Variants in CST11 observed in about 807,000 individuals in gnomAD.
The protein encoded by CST11 is cystatin 11.
Under a neutral mutation model 14.0 loss-of-function variants are expected in CST11, and 13 were observed. The ratio of observed to expected loss-of-function variants is 0.93; its 90% CI spans 0.60 to 1.47. CST11 has a LOEUF of 1.47. Among genes scored for constraint, CST11 ranks in the 40% most tolerant of loss-of-function variants. CST11 has a pLI of 0.00. For synonymous variants in CST11, 64 were observed against 57.8 expected, an observed-to-expected ratio of 1.11 and a Z score of -0.48; for missense variants, 181 against 160.0, an observed-to-expected ratio of 1.13 and a Z score of -0.71.
Position 23,452,656 on chromosome 20 carries a change from G to T in CST11, c.156C>A (p.Thr52=), listed in dbSNP as rs762472790. The change falls in exon 1 of 3, where the codon ACC becomes ACA. Residue 52 remains threonine (T), a synonymous_variant. Transcript: ENST00000377009. ...CATCACTTTCCTTGTTATACTGGTC[G>T]GTGATCCACTGCAAGCTGTCCTTCG... The part of the protein sequence containing the change: ...NYAKDSLQWI[T]DQYNKESDDK... 6.2e-6 allele frequency: 10 copies of T among 1,613,898 alleles called. No individual in the cohort carries two copies. Among genetic ancestry groups the T allele is most frequent in the African/African-American group, 1.3e-5 (1 of 75,020 alleles).
intron 1 of CST11, among the ~76,000 whole-genome samples, chr20:23,452,180 A>G (rs539430720): frequency 6.6e-6 from 1 of 152,326 alleles, no homozygotes; most frequent in East Asian, 1.9e-4. Flanking sequence ...GTGATTCTGG[A>G]TAGGGGTCTG....
intron 1 of CST11, 37 bp downstream of exon 1, chr20:23,452,547 A>C: frequency 1.5e-4 from 184 of 1,260,670 alleles, no homozygotes; most frequent in Non-Finnish European, 2.0e-4. Flanking sequence ...ATGTGGGCGT[A>C]TCAGGCCTGG....
At position 23,452,586 on chromosome 20, in the gene CST11, G is replaced by A; in HGVS notation, c.226C>T (p.Gln76Ter). Residue 76 changes from glutamine to a stop codon, truncating the protein, a stop_gained and splice_region_variant, in exon 1 of 3, where the codon CAG becomes TAG. Transcript: ENST00000377009. LOFTEE classifies it high-confidence loss of function. ...GAGGCGGGAAGTCATACACTCACCT[G>A]CCTCTGGACTTTAAGGACTCGGAAG... ...RIFRVLKVQRQVTDHLEYHLN... is the reference protein window; with the variant it reads ...RIFRVLKVQR The A allele has an allele frequency of 6.2e-7, 1 of 1,604,626 alleles. No individual in the cohort carries two copies. The highest frequency in any genetic ancestry group is 8.5e-7 in the Non-Finnish European group (1 of 1,171,346).
chr20:23,452,606 C>G lies in CST11; in HGVS notation c.206G>C (p.Arg69Pro), dbSNP rs140128807. Reference sequence around the variant, plus strand: ...CACCTGCCTCTGGACTTTAAGGACTCGGAAGATCCTGAAGTGGTACTTGTC... The same window carrying G: ...CACCTGCCTCTGGACTTTAAGGACTGGGAAGATCCTGAAGTGGTACTTGTC... ...SDDKYHFRIF[R>P]VLKVQRQVTD... Residue 69 changes from arginine (R) to proline (P), a missense_variant, in exon 1 of 3, where the codon CGA becomes CCA. Coordinates refer to ENST00000377009, the MANE Select transcript of CST11 (RefSeq NM_130794.2). 6.2e-7 allele frequency: 1 copy of G among 1,613,048 alleles called. No homozygotes were observed. Among genetic ancestry groups the G allele is most frequent in the Admixed American group, 1.7e-5 (1 of 60,026 alleles).
At chr20:23,451,257 G>A (rs1441937321) in intron 2 of CST11, among the ~76,000 whole-genome samples, 1 of 151,674 alleles carries the variant, frequency 6.6e-6, no homozygotes, top group Non-Finnish European at 1.5e-5. Context: ...TGCCAGGTGG[G>A]ATGAAGGCCT....
chr20:23,451,966 C>T, intron 1 of CST11, 46 bp from the exon 2 acceptor site: 1 of 1,464,992 alleles, frequency 6.8e-7, no homozygotes, highest in Non-Finnish European at 9.5e-7. Context: ...CCCCTTCTCC[C>T]CTGTCTGCGG....
intron 2 of CST11, 61 bp downstream of exon 2, chr20:23,451,755 G>A: frequency 1.6e-6 from 2 of 1,227,114 alleles, no homozygotes; most frequent in Non-Finnish European, 2.4e-6. Context: ...TCATTCTAAA[G>A]CCACAGAAAA....
Position 23,452,776 on chromosome 20 carries a change from C to A in CST11, c.36G>T (p.Leu12=), listed in dbSNP as rs1407663555. The change falls in exon 1 of 3, where the codon CTG becomes CTT. Residue 12 remains leucine, a synonymous_variant. Coordinates refer to ENST00000377009, the MANE Select transcript of CST11 (RefSeq NM_130794.2). The part of the protein sequence containing the change: ...MAEPWQALQL[L]LAILLTLMAL... ...CCATCAGAGTCAATAGAATGGCCAA[C>A]AGGAGCTGTAGGGCCTGCCAGGGCT... The A allele has an allele frequency of 6.2e-7, 1 of 1,614,166 alleles. No individual in the cohort carries two copies. The highest frequency in any genetic ancestry group is 1.3e-5 in the African/African-American group (1 of 75,054).
At chr20:23,451,020 C>T (rs1987072652) in intron 2 of CST11, among the ~76,000 whole-genome samples, 1 of 151,716 alleles carries the variant, frequency 6.6e-6, no homozygotes, top group Non-Finnish European at 1.5e-5. Flanking sequence ...ATTTATCCTT[C>T]AGTCCATCCC....
chr20:23,451,318 G>A (rs962792233), intron 2 of CST11, among the ~76,000 whole-genome samples: 1 of 152,116 alleles, frequency 6.6e-6, no homozygotes, highest in Admixed American at 6.6e-5. Context: ...CAGAGCACAC[G>A]CATGCAAGTT....
chr20:23,452,754 T>G lies in CST11; in HGVS notation c.58A>C (p.Met20Leu), dbSNP rs1379899136. 6.2e-7 allele frequency: 1 copy of G among 1,614,034 alleles called. No homozygotes were observed. The highest frequency in any genetic ancestry group is 8.5e-7 in the Non-Finnish European group (1 of 1,180,030). ...QLLLAILLTL[M>L]ALPYQARKKT... ...TTCCTTGCTTGGTAGGGGAGGGCCA[T>G]CAGAGTCAATAGAATGGCCAACAGG... Residue 20 changes from methionine to leucine, a missense_variant, in exon 1 of 3, where the codon ATG becomes CTG. Transcript: ENST00000377009.
chr20:23,451,650 G>A (rs1003429150), intron 2 of CST11, among the ~76,000 whole-genome samples, 166 bp downstream of exon 2: 6 of 152,210 alleles, frequency 3.9e-5, no homozygotes, highest in African/African-American at 1.2e-4. Flanking sequence ...CATCTCGGCT[G>A]TCTCCACCTT....
In CST11 at chr20:23,451,877, CA is replaced by C. The variant is rs1392181521; in HGVS notation, c.271del (p.Trp91GlyfsTer41). 1 of 1,614,038 alleles carries C rather than the reference CA, an allele frequency of 6.2e-7. No individual in the cohort carries two copies. Among genetic ancestry groups the C allele is most frequent in the Non-Finnish European group, 8.5e-7 (1 of 1,179,976 alleles). ...GGTCTCTGGCTTTTGGCAGGTGGTC[CA>C]CTGCATTTCCACATTCAGGTGATAC... ...LEYHLNVEMQ[W>X]TTCQKPETTN... On this transcript the variant is annotated frameshift_variant, in exon 2 of 3. Transcript: ENST00000377009. LOFTEE classifies it high-confidence loss of function.
Position 23,450,596 on chromosome 20 carries a change from C to A in CST11, c.334-7G>T. ...AGAAGAAGCAGTTGACTTGCTAAAA[C>A]AAAAAACAAAGGCAATATTTTAAAA... is the stretch of plus-strand genomic sequence containing the variant. On this transcript the variant is annotated splice_region_variant and splice_polypyrimidine_tract_variant and intron_variant, in intron 2 of 2. Transcript: ENST00000377009. The A allele has an allele frequency of 6.3e-7, 1 of 1,598,108 alleles. No homozygotes were observed. The highest frequency in any genetic ancestry group is 2.2e-5 in the East Asian group (1 of 44,468).
Position 23,452,830 on chromosome 20 carries a change from C to A in CST11, c.-19G>T. 6.3e-7 allele frequency: 1 copy of A among 1,585,980 alleles called. No individual in the cohort carries two copies. The highest frequency in any genetic ancestry group is 1.7e-5 in the Admixed American group (1 of 58,732). ...CCATCATCCTTCAGCTGCAGAGGAA[C>A]AGGAAGAGTGTTCTCTGTACTCCTC... On this transcript the variant is annotated 5_prime_UTR_variant, in exon 1 of 3. Transcript: ENST00000377009.
At position 23,452,623 on chromosome 20, in the gene CST11, G is replaced by C. The variant is rs759434489; in HGVS notation, c.189C>G (p.Tyr63Ter). The C allele has an allele frequency of 1.2e-6, 2 of 1,613,800 alleles. No individual in the cohort carries two copies. The highest frequency in any genetic ancestry group is 4.5e-5 in the East Asian group (2 of 44,890). Residue 63 changes from tyrosine (Y) to a stop codon, truncating the protein, a stop_gained, in exon 1 of 3, where the codon TAC (tyrosine) becomes TAG (stop). Transcript: ENST00000377009. LOFTEE classifies it high-confidence loss of function. ...TAAGGACTCGGAAGATCCTGAAGTGGTACTTGTCATCACTTTCCTTGTTAT... is the reference window on the plus strand; with the variant it reads ...TAAGGACTCGGAAGATCCTGAAGTGCTACTTGTCATCACTTTCCTTGTTAT... ...DQYNKESDDK[Y>*]HFRIFRVLKV...
rs781526606 is a variant in CST11 at position 23,452,690 on chromosome 20, T to C, written c.122A>G (p.Glu41Gly). The C allele has an allele frequency of 3.1e-6, 5 of 1,614,126 alleles. No homozygotes were observed. In the South Asian group the frequency reaches 5.5e-5, roughly 18 times the overall value. Residue 41 changes from glutamate to glycine, a missense_variant, in exon 1 of 3, where the codon GAA becomes GGA. Physicochemically the swap from Glu to Gly is moderately conservative, Grantham distance 98. Transcript: ENST00000377009. ...FLSVHEVMAV[E>G]NYAKDSLQWI... is the part of the protein sequence containing the mutation. The stretch of plus-strand genomic sequence containing the variant: ...CTGCAAGCTGTCCTTCGCATAGTTT[T>C]CTACTGCCATCACTTCATGGACGCT...
Position 23,452,634 on chromosome 20 carries a change from C to T in CST11, c.178G>A (p.Asp60Asn). The T allele has an allele frequency of 6.2e-7, 1 of 1,614,124 alleles. No individual in the cohort carries two copies. Among genetic ancestry groups the T allele is most frequent in the Non-Finnish European group, 8.5e-7 (1 of 1,179,958 alleles). The change falls in exon 1 of 3, where the codon GAT becomes AAT. Residue 60 changes from aspartate (D) to asparagine (N), a missense_variant. Transcript: ENST00000377009. Reference sequence around the variant, plus strand: ...AAGATCCTGAAGTGGTACTTGTCATCACTTTCCTTGTTATACTGGTCGGTG... The same window carrying T: ...AAGATCCTGAAGTGGTACTTGTCATTACTTTCCTTGTTATACTGGTCGGTG... ...WITDQYNKES[D>N]DKYHFRIFRV...
rs1291215396 is a variant in CST11, at chr20:23,452,717, A to G, written c.95T>C (p.Leu32Pro). ...LPYQARKKTF[L>P]SVHEVMAVEN... is the part of the protein sequence containing the mutation. ...TACTGCCATCACTTCATGGACGCTT[A>G]GAAAGGTTTTCTTCCTTGCTTGGTA... Residue 32 changes from leucine to proline, a missense_variant, in exon 1 of 3, where the codon CTA (leucine) becomes CCA (proline). Physicochemically the swap from Leu to Pro is moderately conservative, Grantham distance 98. Coordinates refer to ENST00000377009, the MANE Select transcript of CST11 (RefSeq NM_130794.2). 10 of 1,614,090 alleles carry G rather than the reference A, an allele frequency of 6.2e-6. No individual in the cohort carries two copies. The highest frequency in any genetic ancestry group is 2.7e-5 in the African/African-American group (2 of 74,936).
Sources: gnomAD v4.1 joint callset for allele counts (sites outside exome capture counted in the v4.1 genomes callset) on GRCh38, gnomAD v4.1.1 for gene constraint, MANE v1.5 for transcripts, NCBI Gene and HGNC (gene_info 2026-07-23, HGNC 2026-07-21) for gene names.